SUPT16H: variants seen among roughly 807,000 people sequenced by gnomAD.
SUPT16H encodes FACT complex subunit SPT16.
Under a neutral mutation model 136.2 loss-of-function variants are expected in SUPT16H, and 24 were observed. The ratio of observed to expected loss-of-function variants is 0.18; its 90% CI spans 0.13 to 0.25. The LOEUF (loss-of-function observed/expected upper bound fraction) is 0.25, where lower values mean the gene tolerates loss of function less well. Among genes scored for constraint, SUPT16H ranks in the 10% least tolerant of loss-of-function variants. SUPT16H has a pLI of 1.00. For synonymous variants in SUPT16H, 415 were observed against 428.2 expected (o/e 0.97, Z 0.38); for missense variants, 623 against 1,270.2 (o/e 0.49, Z 7.74).
chr14:21,356,848 C>A (rs1481006750), intron 22 of SUPT16H, among the ~76,000 whole-genome samples: 1 of 152,154 alleles, frequency 6.6e-6, no homozygotes, highest in Non-Finnish European at 1.5e-5. Context: ...TCTACATTGA[C>A]TGGGTGCAGT....
intron 1 of SUPT16H, among the ~76,000 whole-genome samples, chr14:21,378,119 A>G (rs1176000283): frequency 6.6e-6 from 1 of 151,766 alleles, no homozygotes; most frequent in Non-Finnish European, 1.5e-5. Flanking sequence ...ACAGAATAAA[A>G]TTCTGAGTGT....
rs767798718 is a variant in SUPT16H at position 21,369,225 on chromosome 14, T to C, written c.761A>G (p.Asn254Ser). Residue 254 changes from asparagine to serine, a missense_variant, in exon 6 of 26, where the codon AAT becomes AGT. By Grantham distance (46) the Asn-to-Ser change is conservative. Coordinates refer to ENST00000216297, the MANE Select transcript of SUPT16H (RefSeq NM_007192.4). ...PPIIQSGGNY[N>S]LKFSVVSDKN... ...TTACCTCACCACACTGAACTTGAGATTATAGTTGCCACCACTCTGAATGAT... is the reference window on the plus strand; with the variant it reads ...TTACCTCACCACACTGAACTTGAGACTATAGTTGCCACCACTCTGAATGAT... 11 of 1,613,906 alleles carry C rather than the reference T, an allele frequency of 6.8e-6. No homozygotes were observed. Among genetic ancestry groups the C allele is most frequent in the South Asian group, 1.1e-5 (1 of 91,072 alleles).
intron 1 of SUPT16H, among the ~76,000 whole-genome samples, chr14:21,375,495 G>A (rs1886882049): frequency 4.7e-5 from 2 of 42,842 alleles, no homozygotes; most frequent in African/African-American, 9.2e-5. Flanking sequence ...CACAGGATCT[G>A]CAGACATTTT....
At chr14:21,373,471 G>C (rs774332319) in intron 1 of SUPT16H, 41 bp from the exon 2 acceptor site, 24 of 1,387,984 alleles carry the variant, frequency 1.7e-5, no homozygotes, top group Non-Finnish European at 2.2e-5. Flanking sequence ...TTTCACACTA[G>C]CAAAACAGGA....
intron 1 of SUPT16H, among the ~76,000 whole-genome samples, chr14:21,380,978 T>C (rs915814391): frequency 4.6e-5 from 7 of 151,668 alleles, no homozygotes; most frequent in Non-Finnish European, 7.4e-5. Context: ...GCAGCCCATT[T>C]CCAGGAACCA....
chr14:21,362,285 G>A lies in SUPT16H; in HGVS notation c.1705C>T (p.Arg569Ter). The A allele has an allele frequency of 6.2e-7, 1 of 1,613,944 alleles. No homozygotes were observed. ...MSVEGDYTYL[R>*]INFYCPGSAL... ...CTGCCTGGGCAATAAAAGTTGATTC[G>A]CAAGTAAGTATAATCTCCTTCCACG... The change falls in exon 15 of 26, where the codon CGA (arginine) becomes TGA (stop). Residue 569 changes from arginine (R) to a stop codon, truncating the protein, a stop_gained. Transcript: ENST00000216297. LOFTEE classifies it high-confidence loss of function.
At chr14:21,360,021 G>A (rs1886516822) in intron 18 of SUPT16H, among the ~76,000 whole-genome samples, 1 of 152,134 alleles carries the variant, frequency 6.6e-6, no homozygotes, top group Admixed American at 6.5e-5. Context: ...TAAGTGAGAG[G>A]TGATTTTTTC....
chr14:21,369,842 G>T lies in SUPT16H; in HGVS notation c.538C>A (p.Leu180Ile), dbSNP rs376183523. The stretch of plus-strand genomic sequence containing the variant: ...CTGGCTGCTTTCTTCATTAGGTTGA[G>T]CTCCCCATCCTCCTTTACAGCGATG... ...YTIAVKEDGE[L>I]NLMKKAASIT... Residue 180 changes from leucine to isoleucine, a missense_variant, in exon 5 of 26, where the codon CTC becomes ATC. Physicochemically the swap from Leu to Ile is conservative, Grantham distance 5 (BLOSUM62 2). Transcript: ENST00000216297. The T allele has an allele frequency of 3.1e-6, 5 of 1,614,136 alleles. No homozygotes were observed. The Admixed American group carries it at 8.3e-5, about 27-fold the overall frequency.
intron 1 of SUPT16H, among the ~76,000 whole-genome samples, chr14:21,379,877 T>G (rs1368863258): frequency 6.9e-5 from 7 of 101,516 alleles, no homozygotes; most frequent in Non-Finnish European, 1.5e-4. Flanking sequence ...AGAGTGAAAC[T>G]CAAAAAACAA....
At chr14:21,383,747 T>C in intron 1 of SUPT16H, 115 bp downstream of exon 1, 1 of 1,196,878 alleles carries the variant, frequency 8.4e-7, no homozygotes, top group Non-Finnish European at 1.2e-6. Flanking sequence ...ACGAAAAGGG[T>C]GAGGCACAGA....
chr14:21,359,634 A>G, intron 18 of SUPT16H, 25 bp from the exon 19 acceptor site: 1 of 1,609,746 alleles, frequency 6.2e-7, no homozygotes, highest in Non-Finnish European at 8.5e-7. Flanking sequence ...CAGAAAGAAC[A>G]CAGAAGTCAG....
chr14:21,367,142 T>C (rs534080898), intron 7 of SUPT16H, among the ~76,000 whole-genome samples: 32 of 152,284 alleles, frequency 2.1e-4, no homozygotes, highest in Admixed American at 1.3e-3. Context: ...GGTTTCGCCG[T>C]GTTAGCCAGG....
intron 18 of SUPT16H, among the ~76,000 whole-genome samples, 167 bp downstream of exon 18, chr14:21,360,248 G>A (rs766957934): frequency 6.6e-5 from 10 of 151,952 alleles, no homozygotes; most frequent in Non-Finnish European, 1.2e-4. Flanking sequence ...GGCTGGTGTC[G>A]AACTCCCGAC....
At chr14:21,356,744 AACCACC>A (rs3068335) in intron 22 of SUPT16H, among the ~76,000 whole-genome samples, 1 of 152,056 alleles carries the variant, frequency 6.6e-6, no homozygotes, top group East Asian at 1.9e-4. Flanking sequence ...TGTCTCAAAC[AACCACC>A]ACCACCACCA....
rs189366558 is a variant in SUPT16H, at chr14:21,358,038, C to T, written c.2415-36G>A. On this transcript the variant is annotated intron_variant, in intron 20 of 25. Transcript: ENST00000216297. ...CAAACTTTTAAGACTGAGCTCATCA[C>T]GAGAGAGACTGCTCCTACCACAACA... The T allele has an allele frequency of 2.1e-5, 33 of 1,571,472 alleles. 1 individual carries two copies. The African/African-American group carries it at 2.3e-4, about 11-fold the overall frequency.
chr14:21,354,808 T>C, intron 22 of SUPT16H: 1 of 256,214 alleles, frequency 3.9e-6, no homozygotes, highest in Non-Finnish European at 7.6e-6. Flanking sequence ...GTCAGGCTGG[T>C]CTAGAACTCC....
chr14:21,370,178 A>G (rs1886756008), intron 4 of SUPT16H, among the ~76,000 whole-genome samples, 158 bp downstream of exon 4: 1 of 152,108 alleles, frequency 6.6e-6, no homozygotes. Context: ...AAAGGCAGGG[A>G]AAAAAAATAA....
chr14:21,374,177 T>A (rs1375822374), intron 1 of SUPT16H, among the ~76,000 whole-genome samples: 2 of 152,236 alleles, frequency 1.3e-5, no homozygotes, highest in South Asian at 4.1e-4. Flanking sequence ...TAGAGAGATG[T>A]AACCCCAGGG....
intron 18 of SUPT16H, 133 bp from the exon 19 acceptor site, chr14:21,359,742 A>T: frequency 5.0e-6 from 5 of 992,458 alleles, no homozygotes; most frequent in Non-Finnish European, 5.8e-6. Context: ...GTGTCATCAT[A>T]AATAATGATG....
Sources: allele counts gnomAD v4.1 joint callset (sites outside exome capture counted in the v4.1 genomes callset), GRCh38; gene constraint gnomAD v4.1.1; transcripts MANE v1.5; gene names NCBI Gene and HGNC (gene_info 2026-07-23, HGNC 2026-07-21).